The following VDR variants were observed in gnomAD, a reference collection of about 807,000 sequenced individuals.
VDR encodes the protein vitamin D3 receptor.
A neutral mutation model predicts 39.7 loss-of-function variants in VDR; 19 were observed. The observed-to-expected ratio is 0.48, with a 90% CI of 0.33 to 0.70. The LOEUF is 0.70. Ranked by LOEUF, VDR falls within the 30% of genes least tolerant of loss-of-function variation. VDR has a pLI of 0.02. For missense variants in VDR, 442 were observed against 570.5 expected (o/e 0.77, Z 2.29); for synonymous variants, 242 against 215.8 (o/e 1.12, Z -1.07).
At chr12:47,847,928 C>G (rs1423908834) in intron 7 of VDR, among the ~76,000 whole-genome samples, 3 of 151,986 alleles carry the variant, frequency 2.0e-5, no homozygotes, top group African/African-American at 7.3e-5. Flanking sequence ...GAGACGGAGT[C>G]TCACTTTGTC....
At chr12:47,882,626 C>CCCGGGGGG in intron 2 of VDR, 68 bp downstream of exon 2, 1 of 569,052 alleles carries the variant, frequency 1.8e-6, no homozygotes. Flanking sequence ...TTCTTATGCC[C>CCCGGGGGG]CTCCCCCCCA....
In VDR at chr12:47,844,676, G is replaced by A. The variant is rs886049436; in HGVS notation, c.*70C>T. The A allele has an allele frequency of 5.0e-6, 8 of 1,604,084 alleles. No individual in the cohort carries two copies. The highest frequency in any genetic ancestry group is 3.3e-5 in the South Asian group (3 of 90,604). ...GGGTGAGGAGGGCTGCTGAGTAGCCGCCAGCCCCGGGCCTGGCACGTGGCC... is the reference window on the plus strand; with the variant it reads ...GGGTGAGGAGGGCTGCTGAGTAGCCACCAGCCCCGGGCCTGGCACGTGGCC... On this transcript the variant is annotated 3_prime_UTR_variant, in exon 10 of 10. Transcript: ENST00000549336.
chr12:47,904,084 A>AGAG, intron 1 of VDR, among the ~76,000 whole-genome samples: 1 of 143,262 alleles, frequency 7.0e-6, no homozygotes, highest in Middle Eastern at 3.5e-3. Flanking sequence ...CCGCACGCAT[A>AGAG]GAGGAGGAGG....
intron 1 of VDR, among the ~76,000 whole-genome samples, chr12:47,889,365 G>A (rs1367238798): frequency 6.6e-6 from 1 of 152,112 alleles, no homozygotes; most frequent in African/African-American, 2.4e-5. Context: ...AGAGTTCCCT[G>A]TAGGAGGCCT....
intron 3 of VDR, among the ~76,000 whole-genome samples, chr12:47,870,984 G>A (rs149469835): frequency 7.1e-4 from 108 of 152,302 alleles, no homozygotes; most frequent in African/African-American, 2.4e-3. Context: ...TGATGTAGGG[G>A]CCTACATGTA....
chr12:47,846,768 T>C lies in VDR; in HGVS notation c.796A>G (p.Ser266Gly), dbSNP rs1404849690. Residue 266 changes from serine to glycine, a missense_variant, in exon 8 of 10, where the codon AGT (serine) becomes GGT (glycine). Transcript: ENST00000549336. ...SEDQIVLLKS[S>G]AIEVIMLRSN... Reference sequence around the variant, plus strand: ...CGCAACATGATGACCTCAATGGCACTTGACTTCAGCAGTACGATCTGGTCC... The same window carrying C: ...CGCAACATGATGACCTCAATGGCACCTGACTTCAGCAGTACGATCTGGTCC... The C allele has an allele frequency of 6.2e-7, 1 of 1,614,196 alleles. No homozygotes were observed.
At chr12:47,898,583 G>A (rs1227633350) in intron 1 of VDR, 1 of 154,584 alleles carries the variant, frequency 6.5e-6, no homozygotes, top group Non-Finnish European at 1.5e-5. Context: ...TAGCAGTACT[G>A]TCCTATCGTA....
chr12:47,859,739 T>C (rs1312454574), intron 4 of VDR, among the ~76,000 whole-genome samples: 1 of 152,214 alleles, frequency 6.6e-6, no homozygotes, highest in Non-Finnish European at 1.5e-5. Flanking sequence ...TCATTACCTA[T>C]AGACGGAGCC....
chr12:47,857,182 C>A lies in VDR; in HGVS notation c.530G>T (p.Ser177Ile). 1 of 1,614,146 alleles carries A rather than the reference C, an allele frequency of 6.2e-7. No homozygotes were observed. The highest frequency in any genetic ancestry group is 1.3e-5 in the African/African-American group (1 of 75,044). Reference sequence around the variant, plus strand: ...GGAGGAGGAGGAGTCCCCAGAGAAGCTGGGAGTGTGTCTGGAGTTGGGCCT... The same window carrying A: ...GGAGGAGGAGGAGTCCCCAGAGAAGATGGGAGTGTGTCTGGAGTTGGGCCT... ...PSRPNSRHTP[S>I]FSGDSSSSCS... The change falls in exon 6 of 10, where the codon AGC becomes ATC. Residue 177 changes from serine to isoleucine, a missense_variant. Ser to Ile is a moderately radical substitution (Grantham distance 142). Around this residue, in one of 5 missense-constraint regions of VDR, gnomAD observed 77 missense variants for 67.4 expected, o/e 1.14. Transcript: ENST00000549336.
At chr12:47,865,599 A>G (rs7965360) in intron 3 of VDR, among the ~76,000 whole-genome samples, 114,461 of 151,876 alleles carry the variant, frequency 0.75, 43,702 homozygotes, top group East Asian at 0.96. Context: ...TTTTTGTAAA[A>G]ATGGGGTCTC....
At position 47,873,351 on chromosome 12, in the gene VDR, C is replaced by CTTTTTT. The variant is rs71077177; in HGVS notation, c.146+5611_146+5616dup. On this transcript the variant is annotated intron_variant, in intron 3 of 9. Coordinates refer to ENST00000549336, the MANE Select transcript of VDR (RefSeq NM_000376.3). Reference sequence around the variant, plus strand: ...ACCATGAGTCAATTAAACCTGTTTTCTTTTTTTTTTTTTTTTTTTTTTTTT... The same window carrying CTTTTTT: ...ACCATGAGTCAATTAAACCTGTTTTCTTTTTTTTTTTTTTTTTTTTTTTTTTTTTTT... Among the ~76,000 whole-genome samples, 221 of 98,408 alleles carry CTTTTTT rather than the reference C, an allele frequency of 2.2e-3. 25 individuals are homozygous for CTTTTTT. The highest frequency in any genetic ancestry group is 0.011 in the Middle Eastern group (2 of 174). 64.6% of individuals were successfully genotyped at this position (98,408 alleles called of 152,430 possible). A position where few individuals can be genotyped will look rare whatever the true frequency, so the allele number is the denominator to read the frequency against.
At chr12:47,861,751 A>G (rs370344233) in intron 4 of VDR, among the ~76,000 whole-genome samples, 1 of 152,186 alleles carries the variant, frequency 6.6e-6, no homozygotes, top group African/African-American at 2.4e-5. Context: ...TTTTGACTTC[A>G]TTTTAAGCTC....
chr12:47,847,461 C>T (rs1465503353), intron 7 of VDR, among the ~76,000 whole-genome samples: 2 of 152,168 alleles, frequency 1.3e-5, no homozygotes, highest in Non-Finnish European at 2.9e-5. Context: ...CCCACACTCC[C>T]TAACTTGGCT....
intron 2 of VDR, among the ~76,000 whole-genome samples, chr12:47,880,580 G>T (rs1946126106): frequency 6.6e-6 from 1 of 152,146 alleles, no homozygotes; most frequent in Admixed American, 6.5e-5. Context: ...GCAAGAATAT[G>T]TTATCATCAG....
At chr12:47,858,588 G>C (rs1302867569) in intron 4 of VDR, among the ~76,000 whole-genome samples, 8 of 152,250 alleles carry the variant, frequency 5.3e-5, no homozygotes, top group Admixed American at 5.2e-4. Flanking sequence ...TGCTGGGGCA[G>C]CTGTGGGGGT....
intron 7 of VDR, among the ~76,000 whole-genome samples, chr12:47,847,039 G>T (rs1225493747): frequency 3.3e-5 from 5 of 152,098 alleles, no homozygotes; most frequent in Non-Finnish European, 7.4e-5. Context: ...CAGTTACTAA[G>T]ACAAGAAAAA....
intron 1 of VDR, among the ~76,000 whole-genome samples, chr12:47,894,845 T>C (rs1820296500): frequency 6.6e-6 from 1 of 152,176 alleles, no homozygotes; most frequent in Admixed American, 6.5e-5. Context: ...GGTGGGACCC[T>C]AGTCAAGGAC....
intron 1 of VDR, among the ~76,000 whole-genome samples, chr12:47,885,565 G>A (rs1460247830): frequency 6.6e-6 from 1 of 152,224 alleles, no homozygotes; most frequent in Non-Finnish European, 1.5e-5. Flanking sequence ...ACATTGACTG[G>A]ACCCTCCTAA....
At chr12:47,882,875 G>A in intron 1 of VDR, 101 bp from the exon 2 acceptor site, 1 of 902,446 alleles carries the variant, frequency 1.1e-6, no homozygotes, top group Non-Finnish European at 1.7e-6. Flanking sequence ...AGGGACTTTA[G>A]TCCCCAGATC....
Sources: gnomAD v4.1 joint callset for allele counts (sites outside exome capture counted in the v4.1 genomes callset) on GRCh38, gnomAD v4.1.1 for gene constraint, gnomAD v4.1.1 regional missense constraint, MANE v1.5 for transcripts, NCBI Gene and HGNC (gene_info 2026-07-23, HGNC 2026-07-21) for gene names.